The following R3HDM1 variants were observed in gnomAD, a reference collection of about 807,000 sequenced individuals.
R3HDM1 encodes the protein R3H domain-containing protein 1.
Under a neutral mutation model 141.1 loss-of-function variants are expected in R3HDM1, and 46 were observed. The ratio of observed to expected loss-of-function variants is 0.33; its 90% CI spans 0.26 to 0.42. R3HDM1 has a LOEUF of 0.42. Among genes scored for constraint, R3HDM1 ranks in the 10% least tolerant of loss-of-function variants. The pLI, the probability that R3HDM1 is intolerant of heterozygous loss-of-function variation, is 1.00. For missense variants in R3HDM1, 1,184 were observed against 1,368.3 expected (o/e 0.87, Z 2.12); for synonymous variants, 435 against 472.9 (o/e 0.92, Z 1.04).
At chr2:135,598,517 A>G (rs2059373904) in intron 1 of R3HDM1, among the ~76,000 whole-genome samples, 1 of 152,194 alleles carries the variant, frequency 6.6e-6, no homozygotes, top group Admixed American at 6.5e-5. Context: ...CCTACAGATG[A>G]TGATACAGTA....
intron 5 of R3HDM1, among the ~76,000 whole-genome samples, chr2:135,619,247 G>GA (rs962738337): frequency 2.6e-5 from 4 of 152,018 alleles, no homozygotes; most frequent in Non-Finnish European, 5.9e-5. Context: ...TATACTTTTT[G>GA]AAAAAACAAA....
At chr2:135,685,802 A>G (rs1575012053) in intron 21 of R3HDM1, among the ~76,000 whole-genome samples, 1 of 151,960 alleles carries the variant, frequency 6.6e-6, no homozygotes, top group Non-Finnish European at 1.5e-5. Flanking sequence ...AATCATAAAA[A>G]CCTGTCTTCA....
chr2:135,674,369 G>GT (rs2068827808), intron 19 of R3HDM1, among the ~76,000 whole-genome samples: 1 of 152,116 alleles, frequency 6.6e-6, no homozygotes, highest in Non-Finnish European at 1.5e-5. Flanking sequence ...TGTATAGGTG[G>GT]TATTCTAGTT....
At chr2:135,553,466 G>A (rs1284669114) in intron 1 of R3HDM1, among the ~76,000 whole-genome samples, 2 of 152,180 alleles carry the variant, frequency 1.3e-5, no homozygotes, top group African/African-American at 4.8e-5. Flanking sequence ...AAGAGGAGTA[G>A]GAAGGAATTG....
chr2:135,676,719 G>A (rs1250619196), intron 20 of R3HDM1, among the ~76,000 whole-genome samples: 1 of 152,192 alleles, frequency 6.6e-6, no homozygotes, highest in African/African-American at 2.4e-5. Flanking sequence ...GCTGAGGCAG[G>A]AGAATCACTT....
intron 24 of R3HDM1, among the ~76,000 whole-genome samples, chr2:135,716,967 CA>C (rs1383664810): frequency 1.6e-3 from 15 of 9,608 alleles, no homozygotes; most frequent in Non-Finnish European, 2.8e-4. Context: ...AAAAAACAAA[CA>C]AAAAAACAAA....
At chr2:135,722,345 C>T in intron 25 of R3HDM1, 124 bp from the exon 26 acceptor site, 2 of 948,820 alleles carry the variant, frequency 2.1e-6, no homozygotes, top group South Asian at 3.3e-5. Flanking sequence ...AGGCCTGGGA[C>T]TGATTTTCTT....
At chr2:135,682,420 G>A (rs970547781) in intron 21 of R3HDM1, among the ~76,000 whole-genome samples, 1 of 152,154 alleles carries the variant, frequency 6.6e-6, no homozygotes, top group African/African-American at 2.4e-5. Flanking sequence ...TGCTTGACTT[G>A]TGAGAGAGCT....
In R3HDM1 at chr2:135,649,943, C is replaced by T. The variant is rs1467681372; in HGVS notation, c.1665C>T (p.Tyr555=). ...AGTCCTCTTCACAGCCTGTTCAGTACTCTACAGCCCCTTACCCATCCCCGT... is the reference window on the plus strand; with the variant it reads ...AGTCCTCTTCACAGCCTGTTCAGTATTCTACAGCCCCTTACCCATCCCCGT... ...PLQSSSQPVQ[Y]STAPYPSPFL... Residue 555 remains tyrosine, a synonymous_variant, in exon 17 of 27, where the codon TAC becomes TAT. Transcript: ENST00000683871. 2.3e-6 allele frequency: 3 copies of T among 1,296,256 alleles called. No homozygotes were observed. Among genetic ancestry groups the T allele is most frequent in the Middle Eastern group, 2.1e-4 (1 of 4,672 alleles). 80.3% of individuals were successfully genotyped at this position (1,296,256 alleles called of 1,614,324 possible). A position where few individuals can be genotyped will look rare whatever the true frequency, so the allele number is the denominator to read the frequency against.
chr2:135,717,749 A>T (rs767042749), intron 24 of R3HDM1, among the ~76,000 whole-genome samples: 1 of 152,224 alleles, frequency 6.6e-6, no homozygotes, highest in Middle Eastern at 3.2e-3. Flanking sequence ...TGGCGGTAAG[A>T]GTGTACAGTG....
intron 1 of R3HDM1, among the ~76,000 whole-genome samples, chr2:135,589,818 A>G (rs1361263493): frequency 1.3e-5 from 2 of 151,982 alleles, no homozygotes; most frequent in South Asian, 4.1e-4. Context: ...ACATTATATA[A>G]TATATATTAT....
At chr2:135,531,811 C>T in intron 1 of R3HDM1, 178 bp downstream of exon 1, 2 of 985,326 alleles carry the variant, frequency 2.0e-6, no homozygotes, top group Non-Finnish European at 2.4e-6. Flanking sequence ...GGCCTTCTGA[C>T]GTCCCGCTGC....
chr2:135,545,940 G>T (rs1698602590), intron 1 of R3HDM1, among the ~76,000 whole-genome samples: 1 of 152,182 alleles, frequency 6.6e-6, no homozygotes, highest in Non-Finnish European at 1.5e-5. Context: ...GGTGTGGGAC[G>T]CATCCAGGGG....
chr2:135,643,639 G>C (rs2064048239), intron 15 of R3HDM1, among the ~76,000 whole-genome samples: 3 of 151,998 alleles, frequency 2.0e-5, no homozygotes, highest in Admixed American at 2.0e-4. Flanking sequence ...AAAAATGTCT[G>C]GAAGACAGTA....
chr2:135,560,614 A>G (rs1293295902), intron 1 of R3HDM1, among the ~76,000 whole-genome samples: 2 of 152,182 alleles, frequency 1.3e-5, no homozygotes, highest in African/African-American at 2.4e-5. Flanking sequence ...TTTCATTTAA[A>G]CCATTTCACT....
intron 2 of R3HDM1, 41 bp from the exon 3 acceptor site, chr2:135,604,765 T>A: frequency 6.9e-7 from 1 of 1,443,986 alleles, no homozygotes; most frequent in Non-Finnish European, 9.6e-7. Flanking sequence ...AGTAACTGAA[T>A]GTAAAAAAGT....
chr2:135,577,987 T>G (rs901316120), intron 1 of R3HDM1, among the ~76,000 whole-genome samples: 4 of 152,136 alleles, frequency 2.6e-5, no homozygotes, highest in African/African-American at 9.7e-5. Context: ...TAGCTCTTCT[T>G]CTGAAGAGCA....
intron 19 of R3HDM1, 60 bp downstream of exon 19, chr2:135,661,453 A>T: frequency 2.5e-6 from 4 of 1,571,744 alleles, no homozygotes; most frequent in Non-Finnish European, 3.5e-6. Flanking sequence ...CTTCTATTTC[A>T]GTGTTGCTCT....
At chr2:135,693,347 T>A (rs536791539) in intron 21 of R3HDM1, among the ~76,000 whole-genome samples, 4 of 151,850 alleles carry the variant, frequency 2.6e-5, no homozygotes, top group African/African-American at 9.7e-5. Context: ...CTGTACTAGA[T>A]GGTTGATAGC....
Sources: gnomAD v4.1 joint callset for allele counts (sites outside exome capture counted in the v4.1 genomes callset) on GRCh38, gnomAD v4.1.1 for gene constraint, MANE v1.5 for transcripts, NCBI Gene and HGNC (gene_info 2026-07-23, HGNC 2026-07-21) for gene names.